The following LIMCH1 variants were observed in gnomAD, a reference collection of about 807,000 sequenced individuals.
LIMCH1 encodes LIM and calponin homology domains 1.
LIMCH1 carries 113 observed loss-of-function variants against 176.5 expected under a neutral mutation model. The observed-to-expected ratio is 0.64, with a 90% CI of 0.55 to 0.75. The LOEUF (loss-of-function observed/expected upper bound fraction) is 0.75, where lower values mean the gene tolerates loss of function less well. Among genes scored for constraint, LIMCH1 ranks in the 30% least tolerant of loss-of-function variants. The pLI is 0.00. For missense variants in LIMCH1, 1,674 were observed against 1,814.9 expected (o/e 0.92, Z 1.41); for synonymous variants, 619 against 645.9 (o/e 0.96, Z 0.63).
intron 31 of LIMCH1, among the ~76,000 whole-genome samples, chr4:41,695,181 C>G (rs1195446446): frequency 1.3e-5 from 2 of 151,434 alleles, no homozygotes; most frequent in Non-Finnish European, 2.9e-5. Context: ...TATTTTCATA[C>G]AAAAGATTTT....
intron 1 of LIMCH1, among the ~76,000 whole-genome samples, chr4:41,457,576 A>G (rs1047088266): frequency 6.6e-6 from 1 of 152,194 alleles, no homozygotes. Context: ...ACAGTGGCCC[A>G]GGGAGGCTAA....
intron 23 of LIMCH1, among the ~76,000 whole-genome samples, chr4:41,677,955 C>T (rs1370323200): frequency 6.6e-6 from 1 of 152,010 alleles, no homozygotes. Flanking sequence ...TTAAATTATA[C>T]TTCAAGTTCT....
At chr4:41,480,072 A>G (rs1424294487) in intron 1 of LIMCH1, among the ~76,000 whole-genome samples, 1 of 151,980 alleles carries the variant, frequency 6.6e-6, no homozygotes, top group Admixed American at 6.6e-5. Flanking sequence ...ATTTTTGCAC[A>G]CTCAGTAAGT....
intron 2 of LIMCH1, among the ~76,000 whole-genome samples, chr4:41,603,338 T>C (rs1284142175): frequency 6.6e-6 from 1 of 152,216 alleles, no homozygotes; most frequent in African/African-American, 2.4e-5. Context: ...TATTTGAACA[T>C]AACAGGCATA....
chr4:41,627,041 T>TGC, intron 8 of LIMCH1, 31 bp downstream of exon 8: 1 of 1,518,200 alleles, frequency 6.6e-7, no homozygotes, highest in Non-Finnish European at 8.8e-7. Flanking sequence ...TGTGTGTGTG[T>TGC]GTGTGTGTGT....
At chr4:41,499,629 C>G (rs1257370934) in intron 2 of LIMCH1, among the ~76,000 whole-genome samples, 1 of 152,178 alleles carries the variant, frequency 6.6e-6, no homozygotes, top group African/African-American at 2.4e-5. Context: ...TCCATCCTGG[C>G]CAACATGGCA....
At chr4:41,668,679 C>T (rs1357538276) in intron 21 of LIMCH1, among the ~76,000 whole-genome samples, 3 of 152,156 alleles carry the variant, frequency 2.0e-5, no homozygotes, top group African/African-American at 4.8e-5. Flanking sequence ...ATTTGGAATA[C>T]ACCAGTTGTA....
intron 1 of LIMCH1, among the ~76,000 whole-genome samples, chr4:41,569,371 G>C (rs1561782333): frequency 6.6e-6 from 1 of 152,174 alleles, no homozygotes; most frequent in Non-Finnish European, 1.5e-5. Context: ...GTAGTATGGA[G>C]TGGAAGAGAA....
chr4:41,534,155 A>G (rs2077617378), upstream of LIMCH1, among the ~76,000 whole-genome samples: 1 of 152,208 alleles, frequency 6.6e-6, no homozygotes, highest in Non-Finnish European at 1.5e-5. Flanking sequence ...AAGTAGTCCA[A>G]ATGAGAGAGG....
intron 30 of LIMCH1, 133 bp downstream of exon 30, chr4:41,689,768 A>T (rs1168605634): frequency 1.7e-6 from 1 of 581,818 alleles, no homozygotes; most frequent in Non-Finnish European, 3.1e-6. Flanking sequence ...TTGTATAGAC[A>T]TTCCTTCAGA....
At position 41,580,656 on chromosome 4, in the gene LIMCH1, G is replaced by A. The variant is rs534942250; in HGVS notation, c.-240-18264G>A. On this transcript the variant is annotated intron_variant, in intron 1 of 31. Transcript: ENST00000503057. ...AAACAAAATAAACCTAAAAAAACAG[G>A]AAGAAGGAATTAATAAAGATAAAAG... 2.6e-5 allele frequency among the ~76,000 whole-genome samples: 4 copies of A among 152,122 alleles called. No homozygotes were observed. In the East Asian group the frequency reaches 7.7e-4, roughly 29 times the overall value.
chr4:41,472,790 T>C (rs1348197208), intron 1 of LIMCH1, among the ~76,000 whole-genome samples: 1 of 152,164 alleles, frequency 6.6e-6, no homozygotes, highest in Non-Finnish European at 1.5e-5. Context: ...TTTATCCCCC[T>C]CTGGAGAATC....
At chr4:41,583,576 C>T (rs543986898) in intron 1 of LIMCH1, among the ~76,000 whole-genome samples, 9 of 152,110 alleles carry the variant, frequency 5.9e-5, no homozygotes, top group South Asian at 2.1e-4. Flanking sequence ...CATTCCTTGA[C>T]GATGAAATGT....
At chr4:41,409,214 A>G (rs1404278994) in intron 1 of LIMCH1, among the ~76,000 whole-genome samples, 1 of 152,126 alleles carries the variant, frequency 6.6e-6, no homozygotes, top group Non-Finnish European at 1.5e-5. Context: ...AAATAATATT[A>G]TTATTTATAA....
intron 1 of LIMCH1, among the ~76,000 whole-genome samples, chr4:41,570,255 C>T (rs2083355127): frequency 1.3e-5 from 2 of 152,220 alleles, no homozygotes. Flanking sequence ...AACCAGTAGT[C>T]TTACAGCGAA....
At chr4:41,404,718 G>A (rs1057110592) in intron 1 of LIMCH1, among the ~76,000 whole-genome samples, 1 of 152,182 alleles carries the variant, frequency 6.6e-6, no homozygotes, top group East Asian at 1.9e-4. Flanking sequence ...GGCAAAGGTT[G>A]CGGTGAGCCA....
At chr4:41,512,604 C>A (rs540340772) in intron 2 of LIMCH1, among the ~76,000 whole-genome samples, 1 of 152,116 alleles carries the variant, frequency 6.6e-6, no homozygotes, top group Non-Finnish European at 1.5e-5. Flanking sequence ...CATGCTACAA[C>A]ATGGATGAAC....
rs931209294 is a variant in LIMCH1, at chr4:41,684,378, T to C, written c.3846-19T>C. ...TTACTTTTCTCTCTGCTCTGAAGTA[T>C]ACCTCTTTATTTTAACAGCCTAACT... On this transcript the variant is annotated intron_variant, in intron 26 of 31. Coordinates refer to ENST00000503057, the MANE Select transcript of LIMCH1 (RefSeq NM_001330672.2). The C allele has an allele frequency of 1.9e-6, 3 of 1,612,524 alleles. No individual in the cohort carries two copies. Among genetic ancestry groups the C allele is most frequent in the African/African-American group, 2.7e-5 (2 of 74,802 alleles).
rs1716698618 is a variant in LIMCH1 at position 41,682,373 on chromosome 4, A to G, written c.3758A>G (p.Asp1253Gly). ...DLGNCQDEKQDRRWKKSFQGD... is the reference protein window; with the variant it reads ...DLGNCQDEKQGRRWKKSFQGD... ...GGAAACTGTCAAGATGAAAAACAAGACAGAAGATGGAAGAAATCATTCCAG... is the reference window on the plus strand; with the variant it reads ...GGAAACTGTCAAGATGAAAAACAAGGCAGAAGATGGAAGAAATCATTCCAG... The change falls in exon 26 of 32, where the codon GAC becomes GGC. Residue 1253 changes from aspartate to glycine, a missense_variant. Physicochemically the swap from Asp to Gly is moderately conservative, Grantham distance 94. Coordinates refer to ENST00000503057, the MANE Select transcript of LIMCH1 (RefSeq NM_001330672.2). 1 of 1,612,782 alleles carries G rather than the reference A, an allele frequency of 6.2e-7. No individual in the cohort carries two copies. The highest frequency in any genetic ancestry group is 1.1e-5 in the South Asian group (1 of 91,062).
Sources: gnomAD v4.1 joint callset for allele counts (sites outside exome capture counted in the v4.1 genomes callset) on GRCh38, gnomAD v4.1.1 for gene constraint, MANE v1.5 for transcripts, NCBI Gene and HGNC (gene_info 2026-07-23, HGNC 2026-07-21) for gene names.